RORA: variants seen among roughly 807,000 people sequenced by gnomAD.
The protein encoded by RORA is RAR related orphan receptor A.
RORA carries 7 observed loss-of-function variants against 69.5 expected under a neutral mutation model. That is an observed-to-expected ratio of 0.10 (90% confidence interval 0.06 to 0.19). The LOEUF (loss-of-function observed/expected upper bound fraction) is 0.19. RORA is among the 10% of genes least tolerant of loss of function. RORA has a pLI of 1.00. For missense variants in RORA, 457 were observed against 663.0 expected, an observed-to-expected ratio of 0.69 and a Z score of 3.41; for synonymous variants, 261 against 240.8, an observed-to-expected ratio of 1.08 and a Z score of -0.78.
chr15:60,882,726 G>A (rs1007605712), intron 1 of RORA, among the ~76,000 whole-genome samples: 19 of 151,972 alleles, frequency 1.3e-4, no homozygotes, highest in Non-Finnish European at 2.9e-5. Context: ...GGTGATTACT[G>A]CTGGACATAG....
At chr15:60,716,887 A>G (rs1160486866) in intron 1 of RORA, among the ~76,000 whole-genome samples, 1 of 152,172 alleles carries the variant, frequency 6.6e-6, no homozygotes, top group Non-Finnish European at 1.5e-5. Context: ...AACCCTAAAC[A>G]TCTCCTCATC....
At chr15:60,724,466 C>T (rs937746488) in intron 1 of RORA, among the ~76,000 whole-genome samples, 6 of 152,148 alleles carry the variant, frequency 3.9e-5, no homozygotes, top group Admixed American at 2.0e-4. Context: ...GAATGTGGAG[C>T]GGCTCCTTGT....
chr15:60,785,841 C>G (rs898408303), intron 1 of RORA, among the ~76,000 whole-genome samples: 2 of 152,228 alleles, frequency 1.3e-5, no homozygotes, highest in African/African-American at 2.4e-5. Context: ...GCGTTTGTCA[C>G]TGTTGTTGTT....
At chr15:60,671,439 T>C (rs1034271222) in intron 2 of RORA, among the ~76,000 whole-genome samples, 28 of 152,118 alleles carry the variant, frequency 1.8e-4, no homozygotes, top group African/African-American at 6.0e-4. Context: ...AGTTCTTTGA[T>C]GAACTAAGTT....
intron 2 of RORA, among the ~76,000 whole-genome samples, chr15:60,670,098 A>G (rs1269944495): frequency 6.6e-6 from 1 of 152,104 alleles, no homozygotes; most frequent in African/African-American, 2.4e-5. Flanking sequence ...TGCCTAGCAT[A>G]TAATTTCCTT....
chr15:60,996,292 G>T (rs181697589), intron 1 of RORA, among the ~76,000 whole-genome samples: 4 of 151,948 alleles, frequency 2.6e-5, no homozygotes, highest in African/African-American at 9.7e-5. Context: ...GGCTGGAATC[G>T]AACTCCTGAC....
chr15:61,049,658 T>C (rs1435274218), intron 1 of RORA, among the ~76,000 whole-genome samples: 1 of 152,072 alleles, frequency 6.6e-6, no homozygotes, highest in African/African-American at 2.4e-5. Context: ...TCTTTCTTTC[T>C]TTTTTCTTTT....
At chr15:61,088,005 A>G (rs547703640) in intron 1 of RORA, among the ~76,000 whole-genome samples, 13 of 152,242 alleles carry the variant, frequency 8.5e-5, no homozygotes, top group Non-Finnish European at 1.9e-4. Flanking sequence ...TGTGTTATCA[A>G]TGCTACACAG....
chr15:60,730,758 C>G (rs113010875), intron 1 of RORA, among the ~76,000 whole-genome samples: 120 of 152,152 alleles, frequency 7.9e-4, no homozygotes, highest in African/African-American at 2.7e-3. Context: ...CTTTCTAACA[C>G]TGTTTAGTAT....
intron 1 of RORA, among the ~76,000 whole-genome samples, chr15:60,976,201 G>C (rs1595856485): frequency 1.3e-5 from 2 of 152,194 alleles, no homozygotes; most frequent in South Asian, 4.1e-4. Context: ...GCTGGCAGGA[G>C]GGGCGTTAGA....
chr15:60,821,684 G>C (rs1045305396), intron 1 of RORA, among the ~76,000 whole-genome samples: 10 of 152,220 alleles, frequency 6.6e-5, no homozygotes, highest in Non-Finnish European at 1.5e-4. Context: ...GGGGCCTGAT[G>C]GTACTGATAA....
intron 1 of RORA, among the ~76,000 whole-genome samples, chr15:61,117,686 A>G (rs572013772): frequency 2.0e-5 from 3 of 152,242 alleles, no homozygotes; most frequent in South Asian, 4.1e-4. Flanking sequence ...TTTCAAAGTT[A>G]TTCCCTGACG....
At chr15:60,706,619 C>A (rs890788438) in intron 1 of RORA, among the ~76,000 whole-genome samples, 3 of 152,136 alleles carry the variant, frequency 2.0e-5, no homozygotes, top group African/African-American at 7.2e-5. Flanking sequence ...AAGTGCTGCT[C>A]CATTTCACTT....
chr15:60,732,074 C>T (rs2071436886), intron 1 of RORA, among the ~76,000 whole-genome samples: 1 of 152,144 alleles, frequency 6.6e-6, no homozygotes, highest in Non-Finnish European at 1.5e-5. Context: ...GAATAGGATG[C>T]ATCTCTAGCA....
intron 1 of RORA, among the ~76,000 whole-genome samples, chr15:60,698,350 C>T (rs1481106314): frequency 2.0e-5 from 3 of 152,042 alleles, no homozygotes; most frequent in Admixed American, 6.6e-5. Flanking sequence ...ATTACTGGGC[C>T]GACCACTCCC....
At chr15:61,056,822 C>T (rs1470459786) in intron 1 of RORA, among the ~76,000 whole-genome samples, 12 of 152,222 alleles carry the variant, frequency 7.9e-5, no homozygotes, top group South Asian at 4.1e-4. Flanking sequence ...TCACCAATCA[C>T]TACTTCTGCT....
intron 1 of RORA, among the ~76,000 whole-genome samples, chr15:61,049,250 CG>C (rs1175552266): frequency 6.6e-6 from 1 of 152,194 alleles, no homozygotes; most frequent in Non-Finnish European, 1.5e-5. Flanking sequence ...TTAAACCACA[CG>C]GCTTCTCAGA....
chr15:60,518,061 G>A (rs560885519), intron 3 of RORA, among the ~76,000 whole-genome samples: 7 of 151,968 alleles, frequency 4.6e-5, no homozygotes, highest in South Asian at 2.1e-4. Context: ...GCAGGGTTTC[G>A]CTATGTTGCC....
intron 1 of RORA, among the ~76,000 whole-genome samples, chr15:61,146,381 T>A (rs2079349399): frequency 6.6e-6 from 1 of 152,152 alleles, no homozygotes; most frequent in African/African-American, 2.4e-5. Context: ...AAATCACAGA[T>A]TAATTGTTGC....
Sources: gnomAD v4.1 joint callset for allele counts (sites outside exome capture counted in the v4.1 genomes callset) on GRCh38, gnomAD v4.1.1 for gene constraint, MANE v1.5 for transcripts, NCBI Gene and HGNC (gene_info 2026-07-23, HGNC 2026-07-21) for gene names.